SLA: variants seen among roughly 807,000 people sequenced by gnomAD.
SLA encodes Src like adaptor.
In SLA, 16 loss-of-function variants were observed where a neutral mutation model predicts 30.3. The ratio of observed to expected loss-of-function variants is 0.53; its 90% CI spans 0.36 to 0.80. The LOEUF (loss-of-function observed/expected upper bound fraction) is 0.80. Among genes scored for constraint, SLA ranks in the 30% least tolerant of loss-of-function variants. The pLI, the probability that SLA is intolerant of heterozygous loss-of-function variation, is 0.01. For synonymous variants in SLA, 143 were observed against 137.8 expected (o/e 1.04, Z -0.26); for missense variants, 310 against 345.2 (o/e 0.90, Z 0.81).
At chr8:133,049,099 A>G (rs750210373) in intron 5 of SLA, 3 of 454,004 alleles carry the variant, frequency 6.6e-6, no homozygotes, top group South Asian at 3.1e-5. Flanking sequence ...GGACCCTCAC[A>G]TGGAAGGAAG....
At chr8:133,057,522 G>GGT (rs1841664320) in intron 3 of SLA, among the ~76,000 whole-genome samples, 1 of 152,068 alleles carries the variant, frequency 6.6e-6, no homozygotes, top group African/African-American at 2.4e-5. Flanking sequence ...CTTCTTTGCT[G>GGT]GTGCCTGCCC....
intron 1 of SLA, among the ~76,000 whole-genome samples, chr8:133,083,137 T>C (rs1588036171): frequency 6.6e-6 from 1 of 152,300 alleles, no homozygotes; most frequent in East Asian, 1.9e-4. Context: ...TTTATTTTTG[T>C]TTGAGTAGCA....
intron 1 of SLA, among the ~76,000 whole-genome samples, chr8:133,097,017 C>T (rs1489053365): frequency 6.6e-6 from 1 of 152,180 alleles, no homozygotes; most frequent in Non-Finnish European, 1.5e-5. Flanking sequence ...CTGCCCACCC[C>T]ACCCTGCCTT....
intron 3 of SLA, among the ~76,000 whole-genome samples, chr8:133,056,989 C>T (rs1425253800): frequency 6.6e-6 from 1 of 152,136 alleles, no homozygotes; most frequent in African/African-American, 2.4e-5. Context: ...CAGTTACTTC[C>T]CAGGGGATTC....
chr8:133,042,678 C>CCTT lies in SLA; in HGVS notation c.484+2305_484+2306insAAG, dbSNP rs1554706932. On this transcript the variant is annotated intron_variant, in intron 7 of 8. Transcript: ENST00000338087. ...GTGCACAATTCCTCTCATTCTGTGT[C>CCTT]TTTTTTTTTTTTTTTTTTTTTTTTT... Among the ~76,000 whole-genome samples, 43 of 56,768 alleles carry CCTT rather than the reference C, an allele frequency of 7.6e-4. 1 individual carries two copies. The highest frequency in any genetic ancestry group is 1.8e-3 in the East Asian group (4 of 2,280). The allele number at this position is 56,768 out of a possible 152,430, so 37.2% of individuals were successfully genotyped here.
intron 3 of SLA, 140 bp from the exon 4 acceptor site, chr8:133,051,055 A>T: frequency 1.6e-6 from 1 of 622,050 alleles, no homozygotes; most frequent in Non-Finnish European, 2.9e-6. Context: ...ACCAATTTAC[A>T]GCAAGGTCCT....
At chr8:133,073,115 A>C (rs1271144179) in intron 2 of SLA, 2 of 152,222 alleles carry the variant, frequency 1.3e-5, no homozygotes, top group Non-Finnish European at 2.9e-5. Flanking sequence ...TTACAAGGAA[A>C]ATACTCGAAG....
intron 2 of SLA, among the ~76,000 whole-genome samples, chr8:133,065,864 C>A (rs1365712780): frequency 1.3e-5 from 2 of 152,060 alleles, no homozygotes; most frequent in Non-Finnish European, 2.9e-5. Flanking sequence ...AACTTTAATA[C>A]AATGGAGGCC....
At chr8:133,084,323 T>C (rs1461872809) in intron 1 of SLA, among the ~76,000 whole-genome samples, 1 of 152,072 alleles carries the variant, frequency 6.6e-6, no homozygotes, top group Non-Finnish European at 1.5e-5. Context: ...AAAGAAGCAG[T>C]CAGGGTCTTT....
At chr8:133,075,338 G>A (rs1215419164) in intron 1 of SLA, among the ~76,000 whole-genome samples, 5 of 152,090 alleles carry the variant, frequency 3.3e-5, no homozygotes, top group African/African-American at 1.2e-4. Context: ...TCTGATTTCG[G>A]TTTCCCAATT....
At chr8:133,060,341 G>C (rs1842194332) in intron 2 of SLA, 141 bp from the exon 3 acceptor site, 1 of 1,545,850 alleles carries the variant, frequency 6.5e-7, no homozygotes, top group Non-Finnish European at 8.7e-7. Context: ...GTGAAGATGA[G>C]ATTGGTGAAG....
intron 1 of SLA, among the ~76,000 whole-genome samples, chr8:133,077,771 ATGTGTG>A (rs939200739): frequency 7.4e-6 from 1 of 135,294 alleles, no homozygotes; most frequent in Non-Finnish European, 1.6e-5. Flanking sequence ...GTGTGTTTGT[ATGTGTG>A]TGTGTGCGGC....
At chr8:133,075,400 G>A (rs1844710426) in intron 1 of SLA, among the ~76,000 whole-genome samples, 1 of 152,140 alleles carries the variant, frequency 6.6e-6, no homozygotes, top group Non-Finnish European at 1.5e-5. Context: ...AATGCTTTGA[G>A]ATTAAAGGAG....
chr8:133,082,449 G>A (rs1387103503), intron 1 of SLA, among the ~76,000 whole-genome samples: 1 of 152,164 alleles, frequency 6.6e-6, no homozygotes, highest in Non-Finnish European at 1.5e-5. Context: ...GGCCTTAATC[G>A]TTTTTGATTC....
intron 2 of SLA, among the ~76,000 whole-genome samples, chr8:133,071,630 A>G (rs2703003): frequency 0.39 from 58,929 of 151,640 alleles, 11,932 homozygotes; most frequent in Non-Finnish European, 0.46. Context: ...CTTGGATGGC[A>G]TGCAGCGGGG....
At chr8:133,102,524 T>G (rs1849398131) in intron 1 of SLA, 29 bp downstream of exon 1, 3 of 1,550,470 alleles carry the variant, frequency 1.9e-6, no homozygotes, top group Admixed American at 2.0e-5. Context: ...ACCCAGGGGG[T>G]CCCAATGACA....
intron 1 of SLA, chr8:133,096,221 G>C (rs773891454): frequency 1.2e-6 from 2 of 1,614,216 alleles, no homozygotes; most frequent in East Asian, 4.5e-5. Flanking sequence ...GGCCGTGAGT[G>C]GCCCTTTCCA....
intron 3 of SLA, among the ~76,000 whole-genome samples, chr8:133,054,830 G>C (rs781282764): frequency 6.6e-6 from 1 of 152,166 alleles, no homozygotes; most frequent in Non-Finnish European, 1.5e-5. Context: ...CAGGCCTTAC[G>C]GGACTTAGTC....
rs577480476 is a variant in SLA at position 133,043,866 on chromosome 8, CT to C, written c.484+1117del. On this transcript the variant is annotated intron_variant, in intron 7 of 8. Transcript: ENST00000338087. ...TCCTGAACCCAGAAGGGGGAAGATG[CT>C]GTCAAAGCAAAAGCAACCTCTTTCT... Among the ~76,000 whole-genome samples, 1,249 of 152,342 alleles carry C rather than the reference CT, an allele frequency of 8.2e-3. 10 individuals are homozygous for C. The highest frequency in any genetic ancestry group is 0.02 in the Middle Eastern group (6 of 294).
Sources: allele counts gnomAD v4.1 joint callset (sites outside exome capture counted in the v4.1 genomes callset), GRCh38; gene constraint gnomAD v4.1.1; transcripts MANE v1.5; gene names NCBI Gene and HGNC (gene_info 2026-07-23, HGNC 2026-07-21).